Variants in MEGF6 observed in about 807,000 individuals in gnomAD.
The protein encoded by MEGF6 is multiple epidermal growth factor-like domains protein 6.
MEGF6 carries 184 observed loss-of-function variants against 207.1 expected under a neutral mutation model. The ratio of observed to expected loss-of-function variants is 0.89; its 90% CI spans 0.79 to 1.00. The LOEUF is 1.00. Among genes scored for constraint, MEGF6 ranks in the 50% least tolerant of loss-of-function variants. The pLI, the probability that MEGF6 is intolerant of heterozygous loss-of-function variation, is 0.00. For missense variants in MEGF6, 2,282 were observed against 2,202.9 expected (o/e 1.04, Z -0.72); for synonymous variants, 1,038 against 910.0 (o/e 1.14, Z -2.53).
At chr1:3,605,451 C>T (rs1378461244) in intron 1 of MEGF6, among the ~76,000 whole-genome samples, 3 of 152,034 alleles carry the variant, frequency 2.0e-5, no homozygotes, top group Non-Finnish European at 4.4e-5. Context: ...CACCCTCATA[C>T]ACACATATGC....
At chr1:3,621,105 C>T in the MEGF6 span, among the ~76,000 whole-genome samples, 1 of 152,230 alleles carries the variant, frequency 6.6e-6, no homozygotes, top group Non-Finnish European at 1.5e-5. Context: ...CACAGCATCA[C>T]AGGGAGACAG....
intron 4 of MEGF6, among the ~76,000 whole-genome samples, chr1:3,570,101 C>T (rs977548180): frequency 6.6e-4 from 101 of 152,206 alleles, no homozygotes; most frequent in African/African-American, 2.4e-3. Flanking sequence ...CTCAGTCTCC[C>T]CAGCTGTCCT....
chr1:3,546,659 G>T (rs1020253638), intron 4 of MEGF6, among the ~76,000 whole-genome samples: 1 of 144,428 alleles, frequency 6.9e-6, no homozygotes, highest in African/African-American at 2.6e-5. Flanking sequence ...GAAGGGGGCT[G>T]CCAGGGAGGC....
intron 3 of MEGF6, among the ~76,000 whole-genome samples, chr1:3,582,953 C>G (rs573858514): frequency 6.6e-6 from 1 of 152,194 alleles, no homozygotes; most frequent in Non-Finnish European, 1.5e-5. Context: ...CCATCTTGAT[C>G]GCTGTCACGC....
At position 3,497,037 on chromosome 1, in the gene MEGF6, G is replaced by C; in HGVS notation, c.3564C>G (p.Thr1188=). 6.4e-7 allele frequency: 1 copy of C among 1,553,358 alleles called. No individual in the cohort carries two copies. Among genetic ancestry groups the C allele is most frequent in the Non-Finnish European group, 8.7e-7 (1 of 1,149,084 alleles). ...PGENPACHPA[T]GTCSCAAGYH... Reference sequence around the variant, plus strand: ...AGCCAGCAGCACATGAGCAGGTCCCGGTGGCAGGGTGGCAGGCCGGGTTCT... The same window carrying C: ...AGCCAGCAGCACATGAGCAGGTCCCCGTGGCAGGGTGGCAGGCCGGGTTCT... Residue 1188 remains threonine, a synonymous_variant, in exon 28 of 37, where the codon ACC becomes ACG. Transcript: ENST00000356575.
Position 3,496,732 on chromosome 1 carries a change from AGAC to A in MEGF6, c.3662_3664del (p.Cys1221_Leu1222delinsPhe). Reference sequence around the variant, plus strand: ...GGCCGCATCACAGGAGCCCCCGTTGAGACACCCACACAGCTGTTCACAGCCTGG... The same window carrying A: ...GGCCGCATCACAGGAGCCCCCGTTGAACCCACACAGCTGTTCACAGCCTGG... On this transcript the variant is annotated inframe_deletion, in exon 29 of 37. Transcript: ENST00000356575. 6.4e-7 allele frequency: 1 copy of A among 1,559,546 alleles called. No homozygotes were observed. The highest frequency in any genetic ancestry group is 1.2e-5 in the South Asian group (1 of 84,918).
Position 3,498,421 on chromosome 1 carries a change from G to A in MEGF6, c.3302C>T (p.Thr1101Met), listed in dbSNP as rs752856970. The change falls in exon 26 of 37, where the codon ACG (threonine) becomes ATG (methionine). Residue 1101 changes from threonine to methionine, a missense_variant. Coordinates refer to ENST00000356575, the MANE Select transcript of MEGF6 (RefSeq NM_001409.4). ...GCCGGCTGGGCAGAGGCAGCGGCCC[G>A]TGTGCGGGTCACACAGGCCCCCGTT... ...CLNGGLCDPH[T>M]GRCLCPAGWT... The A allele has an allele frequency of 1.1e-5, 18 of 1,589,030 alleles. No homozygotes were observed. The highest frequency in any genetic ancestry group is 5.6e-5 in the South Asian group (5 of 88,984).
intron 4 of MEGF6, among the ~76,000 whole-genome samples, chr1:3,569,914 T>C (rs1016543608): frequency 2.0e-5 from 3 of 152,168 alleles, no homozygotes; most frequent in African/African-American, 7.2e-5. Context: ...ACAACCCCAC[T>C]GTGCACAGAG....
chr1:3,567,151 TG>T, intron 4 of MEGF6, among the ~76,000 whole-genome samples: 1 of 152,332 alleles, frequency 6.6e-6, no homozygotes, highest in East Asian at 1.9e-4. Context: ...TCACCTACCC[TG>T]CCAGAGTGCT....
At chr1:3,552,031 C>T (rs908628860) in intron 4 of MEGF6, among the ~76,000 whole-genome samples, 2 of 152,182 alleles carry the variant, frequency 1.3e-5, no homozygotes, top group African/African-American at 4.8e-5. Flanking sequence ...TACCATCAGC[C>T]CAGGCACGGG....
chr1:3,604,126 G>A (rs149268404), intron 1 of MEGF6, among the ~76,000 whole-genome samples: 145 of 152,322 alleles, frequency 9.5e-4, no homozygotes, highest in African/African-American at 3.3e-3. Flanking sequence ...ACGAAGGCTG[G>A]GACCAGAGTC....
chr1:3,613,350 G>A (rs548815126), upstream of MEGF6, among the ~76,000 whole-genome samples: 25 of 152,318 alleles, frequency 1.6e-4, 1 homozygote, highest in Non-Finnish European at 3.2e-4. Flanking sequence ...CCCTGTCCTC[G>A]GGTGGAGGTG....
chr1:3,592,538 A>G (rs1454181480), intron 3 of MEGF6, among the ~76,000 whole-genome samples: 1 of 152,180 alleles, frequency 6.6e-6, no homozygotes, highest in Non-Finnish European at 1.5e-5. Context: ...ACCCGCTGCC[A>G]GGGTCCCCGA....
chr1:3,509,311 G>A lies in MEGF6; in HGVS notation c.1358-66C>T, dbSNP rs905274734. The stretch of plus-strand genomic sequence containing the variant: ...CTGCCTGCTCCAGCGACCCCCCGGC[G>A]GGTAGGGCTGGGCCTAAGCCCCACC... On this transcript the variant is annotated intron_variant, in intron 11 of 36. Coordinates refer to ENST00000356575, the MANE Select transcript of MEGF6 (RefSeq NM_001409.4). 83 of 1,357,780 alleles carry A rather than the reference G, an allele frequency of 6.1e-5. 1 individual carries two copies. The highest frequency in any genetic ancestry group is 1.2e-4 in the East Asian group (4 of 33,938). 84.1% of individuals were successfully genotyped at this position (1,357,780 alleles called of 1,614,324 possible).
In MEGF6 at chr1:3,490,447, A is replaced by G; in HGVS notation, c.*81T>C. 1.3e-6 allele frequency: 2 copies of G among 1,485,324 alleles called. No individual in the cohort carries two copies. Among genetic ancestry groups the G allele is most frequent in the Non-Finnish European group, 1.9e-6 (2 of 1,075,986 alleles). The allele number at this position is 1,485,324 out of a possible 1,614,324, so 92.0% of individuals were successfully genotyped here. ...AGTACCAGGAGCTCTGGGCCCGTGA[A>G]GTGTCCTTCTCAGTGGTCACCAAAG... On this transcript the variant is annotated 3_prime_UTR_variant, in exon 37 of 37. Coordinates refer to ENST00000356575, the MANE Select transcript of MEGF6 (RefSeq NM_001409.4).
chr1:3,579,231 CG>C (rs2101748802), intron 4 of MEGF6, among the ~76,000 whole-genome samples: 1 of 152,356 alleles, frequency 6.6e-6, no homozygotes, highest in East Asian at 1.9e-4. Context: ...GAGGCTCTGC[CG>C]CTTTTCCCCG....
Position 3,599,064 on chromosome 1 carries a change from CA to C in MEGF6, c.266+3401del, listed in dbSNP as rs541749271. Among the ~76,000 whole-genome samples, 36 of 152,290 alleles carry C rather than the reference CA, an allele frequency of 2.4e-4. No individual in the cohort carries two copies. The East Asian group carries it at 7.0e-3, about 29-fold the overall frequency. On this transcript the variant is annotated intron_variant, in intron 2 of 36. Transcript: ENST00000356575. ...ACCCCGCGGCCCTGCCTGAGGCAGG[CA>C]GCAGGCTCCACAGCCCAGAAGCCAG...
chr1:3,562,032 T>C (rs2794333), intron 4 of MEGF6, among the ~76,000 whole-genome samples: 60,461 of 152,060 alleles, frequency 0.4, 13,925 homozygotes, highest in African/African-American at 0.64. Context: ...GAGGCCAGCG[T>C]CATGCTTAGC....
chr1:3,495,965 G>T lies in MEGF6; in HGVS notation c.3796C>A (p.Gln1266Lys). 1.9e-6 allele frequency: 3 copies of T among 1,581,418 alleles called. No homozygotes were observed. Among genetic ancestry groups the T allele is most frequent in the Non-Finnish European group, 2.6e-6 (3 of 1,171,214 alleles). ...PNCTHVCGCG[Q>K]GAACDPVTGT... ...GTCACAGGGTCGCAGGCCGCCCCCTGCCCACACCCACACACGTGGGTGCAG... is the reference window on the plus strand; with the variant it reads ...GTCACAGGGTCGCAGGCCGCCCCCTTCCCACACCCACACACGTGGGTGCAG... The change falls in exon 30 of 37, where the codon CAG (glutamine) becomes AAG (lysine). Residue 1266 changes from glutamine (Q) to lysine (K), a missense_variant. Gln to Lys is a moderately conservative substitution (Grantham distance 53). Transcript: ENST00000356575.
Sources: allele counts gnomAD v4.1 joint callset (sites outside exome capture counted in the v4.1 genomes callset), GRCh38; gene constraint gnomAD v4.1.1; transcripts MANE v1.5; gene names NCBI Gene and HGNC (gene_info 2026-07-23, HGNC 2026-07-21).